The following CDH18 variants were observed in gnomAD, a reference collection of about 807,000 sequenced individuals.
CDH18 encodes cadherin-18.
In CDH18, 31 loss-of-function variants were observed where a neutral mutation model predicts 67.9. The observed-to-expected ratio is 0.46, with a 90% CI of 0.34 to 0.62. CDH18 has a LOEUF of 0.62. CDH18 is among the 20% of genes least tolerant of loss of function. The pLI, the probability that CDH18 is intolerant of heterozygous loss-of-function variation, is 0.01. For missense variants in CDH18, 890 were observed against 975.5 expected (o/e 0.91, Z 1.17); for synonymous variants, 362 against 347.2 (o/e 1.04, Z -0.48).
At chr5:19,791,356 A>ACACACACACACAC (rs1776331358) in intron 3 of CDH18, among the ~76,000 whole-genome samples, 1 of 141,542 alleles carries the variant, frequency 7.1e-6, no homozygotes, top group Admixed American at 7.3e-5. Flanking sequence ...TCGACTTTTA[A>ACACACACACACAC]ACACACACAC....
chr5:20,425,235 C>T lies in CDH18; in HGVS notation c.-580+150227G>A, dbSNP rs897727230. Among the ~76,000 whole-genome samples the T allele has an allele frequency of 1.8e-4, 27 of 150,326 alleles. 1 individual carries two copies. The highest frequency in any genetic ancestry group is 6.2e-4 in the African/African-American group (25 of 40,026). ...ACAAAAAATTAGCTGGGTGTGGTGG[C>T]GCATGCCTGTAATCCCAGTTACTCT... On this transcript the variant is annotated intron_variant, in intron 1 of 14. Transcript: ENST00000507958.
chr5:20,123,793 C>T (rs1748578639), intron 2 of CDH18, among the ~76,000 whole-genome samples: 1 of 148,266 alleles, frequency 6.7e-6, no homozygotes, highest in Non-Finnish European at 1.5e-5. Context: ...GAGGCTGAGG[C>T]AGGAGAATGG....
intron 1 of CDH18, among the ~76,000 whole-genome samples, chr5:20,538,909 G>GTTTTTT (rs35247774): frequency 0.018 from 2,079 of 118,640 alleles, 134 homozygotes; most frequent in African/African-American, 0.067. Context: ...TTTTTTTTTT[G>GTTTTTT]TTTTTTTTTT....
At chr5:20,451,616 G>A (rs1750459951) in intron 1 of CDH18, among the ~76,000 whole-genome samples, 1 of 152,124 alleles carries the variant, frequency 6.6e-6, no homozygotes, top group Non-Finnish European at 1.5e-5. Context: ...CTCATTAAGT[G>A]TTGGCAAGAA....
chr5:20,518,172 A>G (rs1455313483), intron 1 of CDH18, among the ~76,000 whole-genome samples: 1 of 152,122 alleles, frequency 6.6e-6, no homozygotes, highest in East Asian at 1.9e-4. Context: ...ACCTGGGAAA[A>G]TCAATGAGAC....
At chr5:19,718,889 G>A (rs1765661340) in intron 5 of CDH18, among the ~76,000 whole-genome samples, 1 of 151,926 alleles carries the variant, frequency 6.6e-6, no homozygotes, top group South Asian at 2.1e-4. Flanking sequence ...TATTTTTGTT[G>A]TTTAATAAGG....
chr5:19,615,985 C>G (rs1749762306), intron 5 of CDH18, among the ~76,000 whole-genome samples: 1 of 152,114 alleles, frequency 6.6e-6, no homozygotes, highest in Non-Finnish European at 1.5e-5. Context: ...AAGAAAACTG[C>G]ATAAACATCT....
At chr5:20,065,051 G>A (rs1204714385) in intron 2 of CDH18, among the ~76,000 whole-genome samples, 1 of 151,932 alleles carries the variant, frequency 6.6e-6, no homozygotes, top group East Asian at 1.9e-4. Context: ...CTACCCCTAC[G>A]ATGCTTTCTC....
chr5:20,286,673 A>C (rs1225392742), intron 1 of CDH18, among the ~76,000 whole-genome samples: 1 of 151,706 alleles, frequency 6.6e-6, no homozygotes, highest in African/African-American at 2.4e-5. Context: ...CTGCATTTTC[A>C]TCTGAGCATC....
chr5:20,217,079 T>C lies in CDH18; in HGVS notation c.-518+38365A>G, dbSNP rs144632876. 5.9e-4 allele frequency among the ~76,000 whole-genome samples: 90 copies of C among 151,944 alleles called. No individual in the cohort carries two copies. In the South Asian group the frequency reaches 0.017, roughly 28 times the overall value. Reference sequence around the variant, plus strand: ...AATCATAAAGGAGAAATGAAGAGTTTCTCAGACAAACAAAGCTGAGGGATT... The same window carrying C: ...AATCATAAAGGAGAAATGAAGAGTTCCTCAGACAAACAAAGCTGAGGGATT... On this transcript the variant is annotated intron_variant, in intron 2 of 14. Coordinates refer to the CDH18 transcript ENST00000507958.
At chr5:20,357,661 A>T (rs962304344) in intron 1 of CDH18, among the ~76,000 whole-genome samples, 16 of 152,156 alleles carry the variant, frequency 1.1e-4, no homozygotes, top group Non-Finnish European at 1.9e-4. Flanking sequence ...AAAATACCAG[A>T]TGTTAGTGAG....
At chr5:19,980,650 C>T in intron 2 of CDH18, among the ~76,000 whole-genome samples, 1 of 152,110 alleles carries the variant, frequency 6.6e-6, no homozygotes. Flanking sequence ...GTTTGCTGCT[C>T]CAATTCCAGG....
intron 3 of CDH18, among the ~76,000 whole-genome samples, chr5:19,789,529 C>T (rs1021847668): frequency 6.6e-6 from 1 of 152,098 alleles, no homozygotes; most frequent in South Asian, 2.1e-4. Context: ...GTCAATAGAA[C>T]TTGGCTACAT....
intron 1 of CDH18, among the ~76,000 whole-genome samples, chr5:20,487,890 T>C (rs1753301944): frequency 1.3e-5 from 2 of 152,256 alleles, no homozygotes; most frequent in South Asian, 4.1e-4. Flanking sequence ...TTAATTTTCT[T>C]AGATTTCCTC....
intron 2 of CDH18, among the ~76,000 whole-genome samples, chr5:20,227,341 G>T (rs1162794422): frequency 6.6e-6 from 1 of 151,976 alleles, no homozygotes; most frequent in African/African-American, 2.4e-5. Flanking sequence ...CTGTTTAATT[G>T]TTCCCACAGT....
intron 5 of CDH18, among the ~76,000 whole-genome samples, chr5:19,651,257 G>A (rs1449918360): frequency 6.6e-6 from 1 of 151,528 alleles, no homozygotes; most frequent in Non-Finnish European, 1.5e-5. Flanking sequence ...TGTCTGAGAA[G>A]AATAAATAAA....
At chr5:20,474,193 G>A (rs932627167) in intron 1 of CDH18, among the ~76,000 whole-genome samples, 3 of 151,966 alleles carry the variant, frequency 2.0e-5, no homozygotes, top group South Asian at 2.1e-4. Flanking sequence ...GGAGAGTGGC[G>A]TGAACCCAGG....
chr5:19,931,586 G>C (rs897569501), intron 2 of CDH18, among the ~76,000 whole-genome samples: 2 of 151,764 alleles, frequency 1.3e-5, no homozygotes, highest in Non-Finnish European at 2.9e-5. Flanking sequence ...TCTAAAAACT[G>C]TTGGTGGTGT....
chr5:20,196,280 GACTA>G (rs1738578609), intron 2 of CDH18, among the ~76,000 whole-genome samples: 1 of 120,364 alleles, frequency 8.3e-6, no homozygotes, highest in African/African-American at 4.0e-5. Flanking sequence ...GCAATATTCT[GACTA>G]TTTTAAATAT....
Sources: allele counts gnomAD v4.1 joint callset (sites outside exome capture counted in the v4.1 genomes callset), GRCh38; gene constraint gnomAD v4.1.1; transcripts MANE v1.5; gene names NCBI Gene and HGNC (gene_info 2026-07-23, HGNC 2026-07-21).